The following LRMDA variants were observed in gnomAD, a reference collection of about 807,000 sequenced individuals.
LRMDA encodes the protein leucine-rich melanocyte differentiation-associated protein.
In LRMDA, 18 loss-of-function variants were observed where a neutral mutation model predicts 29.8. That is an observed-to-expected ratio of 0.60 (90% confidence interval 0.42 to 0.90). The LOEUF is 0.90. Among genes scored for constraint, LRMDA ranks in the 40% least tolerant of loss-of-function variants. The pLI, the probability that LRMDA is intolerant of heterozygous loss-of-function variation, is 0.00. For synonymous variants in LRMDA, 125 were observed against 109.4 expected, an observed-to-expected ratio of 1.14 and a Z score of -0.89; for missense variants, 273 against 273.9, an observed-to-expected ratio of 1.00 and a Z score of 0.02.
At chr10:75,536,790 C>T (rs1252082536) in intron 2 of LRMDA, among the ~76,000 whole-genome samples, 1 of 151,994 alleles carries the variant, frequency 6.6e-6, no homozygotes, top group African/African-American at 2.4e-5. Context: ...GAACTCTTAG[C>T]CTCAAGTGAT....
At position 76,008,537 on chromosome 10, in the gene LRMDA, A is replaced by T. The variant is rs149866976; in HGVS notation, c.132-27471A>T. 1.5e-4 allele frequency among the ~76,000 whole-genome samples: 23 copies of T among 152,362 alleles called. 1 individual carries two copies. The East Asian group carries it at 4.2e-3, about 28-fold the overall frequency. On this transcript the variant is annotated intron_variant, in intron 2 of 6. Coordinates refer to ENST00000611255, the MANE Select transcript of LRMDA (RefSeq NM_001305581.2). ...GCTGGCTTCTCTCTTGAGGTGTTATATAAATAGGTGGCATCATCCAGCATC... is the reference window on the plus strand; with the variant it reads ...GCTGGCTTCTCTCTTGAGGTGTTATTTAAATAGGTGGCATCATCCAGCATC...
At chr10:75,717,921 A>C (rs909651770) in intron 2 of LRMDA, among the ~76,000 whole-genome samples, 7 of 152,138 alleles carry the variant, frequency 4.6e-5, no homozygotes, top group African/African-American at 1.4e-4. Flanking sequence ...CATAACATTA[A>C]TTATGATTAT....
intron 6 of LRMDA, among the ~76,000 whole-genome samples, chr10:76,529,549 C>T (rs907815905): frequency 6.6e-6 from 1 of 152,078 alleles, no homozygotes; most frequent in African/African-American, 2.4e-5. Flanking sequence ...CATAGTAAGC[C>T]TGTTAAAAAT....
At chr10:76,209,571 G>C (rs563250322) in intron 5 of LRMDA, among the ~76,000 whole-genome samples, 17 of 152,328 alleles carry the variant, frequency 1.1e-4, no homozygotes, top group African/African-American at 3.6e-4. Flanking sequence ...TGTATGTAGT[G>C]GTTGATTTCT....
chr10:75,715,159 C>T (rs1842485268), intron 2 of LRMDA, among the ~76,000 whole-genome samples: 1 of 152,128 alleles, frequency 6.6e-6, no homozygotes, highest in African/African-American at 2.4e-5. Context: ...GTGCGGGCAG[C>T]GTACCATTCC....
intron 2 of LRMDA, among the ~76,000 whole-genome samples, chr10:75,553,139 G>A (rs1840173036): frequency 6.6e-6 from 1 of 152,098 alleles, no homozygotes; most frequent in African/African-American, 2.4e-5. Flanking sequence ...GCCAGATAAT[G>A]CATATAAAAG....
intron 2 of LRMDA, among the ~76,000 whole-genome samples, chr10:75,462,660 A>T (rs1844601093): frequency 6.6e-6 from 1 of 152,244 alleles, no homozygotes; most frequent in South Asian, 2.1e-4. Context: ...TTTCCTGAGT[A>T]ACAGGATGAG....
chr10:75,604,176 A>G (rs1051569741), intron 2 of LRMDA, among the ~76,000 whole-genome samples: 54 of 152,122 alleles, frequency 3.5e-4, no homozygotes, highest in Admixed American at 7.2e-4. Flanking sequence ...ATTTTATAAG[A>G]TCAAGCCCAT....
chr10:75,740,253 G>A (rs779375710), intron 2 of LRMDA, among the ~76,000 whole-genome samples: 10 of 152,216 alleles, frequency 6.6e-5, no homozygotes, highest in Non-Finnish European at 1.5e-5. Context: ...GACAAATGCT[G>A]ACGCAGACCG....
At chr10:75,813,816 C>T (rs1844007772) in intron 2 of LRMDA, among the ~76,000 whole-genome samples, 1 of 152,202 alleles carries the variant, frequency 6.6e-6, no homozygotes, top group South Asian at 2.1e-4. Flanking sequence ...ACTGATTACC[C>T]TATGCTTGCT....
chr10:75,988,522 C>G (rs1365686408), intron 2 of LRMDA, among the ~76,000 whole-genome samples: 1 of 152,020 alleles, frequency 6.6e-6, no homozygotes, highest in African/African-American at 2.4e-5. Context: ...AGACCACCCC[C>G]ACCCCCAGCT....
At chr10:76,206,213 G>A (rs1851533957) in intron 5 of LRMDA, among the ~76,000 whole-genome samples, 1 of 152,082 alleles carries the variant, frequency 6.6e-6, no homozygotes, top group South Asian at 2.1e-4. Context: ...TATCCACCCT[G>A]ACCCTCTCAC....
intron 6 of LRMDA, among the ~76,000 whole-genome samples, chr10:76,492,888 CA>C (rs763162967): frequency 2.0e-5 from 3 of 151,996 alleles, no homozygotes; most frequent in Non-Finnish European, 2.9e-5. Context: ...AATCATGATT[CA>C]AGGGTCCTGC....
intron 6 of LRMDA, among the ~76,000 whole-genome samples, chr10:76,352,434 C>A (rs184445480): frequency 2.0e-5 from 3 of 152,188 alleles, no homozygotes; most frequent in African/African-American, 7.2e-5. Context: ...ACAGCCAATC[C>A]AATAGCTGAG....
chr10:75,619,542 G>A (rs574748565), intron 2 of LRMDA, among the ~76,000 whole-genome samples: 3 of 152,154 alleles, frequency 2.0e-5, no homozygotes, highest in Admixed American at 1.3e-4. Context: ...AGCCCCAAAG[G>A]TTCTATTTTT....
chr10:75,552,563 C>A, intron 2 of LRMDA: 1 of 481,548 alleles, frequency 2.1e-6, no homozygotes, highest in Non-Finnish European at 4.3e-6. Flanking sequence ...ACTTCTACCC[C>A]TCATCCCCTA....
chr10:76,407,792 C>A (rs80031660), intron 6 of LRMDA, among the ~76,000 whole-genome samples: 1 of 152,234 alleles, frequency 6.6e-6, no homozygotes, highest in African/African-American at 2.4e-5. Flanking sequence ...ATAGGTAGGG[C>A]AATTTCTTCA....
chr10:76,547,988 A>G (rs1829111247), intron 6 of LRMDA, among the ~76,000 whole-genome samples: 2 of 152,200 alleles, frequency 1.3e-5, no homozygotes. Flanking sequence ...GAGCCTGCTA[A>G]GTAAGGGTGT....
chr10:76,538,524 TTATATACAGTTA>T, intron 6 of LRMDA, among the ~76,000 whole-genome samples: 1 of 146,074 alleles, frequency 6.8e-6, no homozygotes, highest in Non-Finnish European at 1.5e-5. Context: ...ATATACATAT[TTATATACAGTTA>T]TATATATGTA....
Sources: allele counts gnomAD v4.1 joint callset (sites outside exome capture counted in the v4.1 genomes callset), GRCh38; gene constraint gnomAD v4.1.1; transcripts MANE v1.5; gene names NCBI Gene and HGNC (gene_info 2026-07-23, HGNC 2026-07-21).